Variants in MYO1E observed in about 807,000 individuals in gnomAD.
MYO1E encodes the protein unconventional myosin-Ie.
Under a neutral mutation model 151.1 loss-of-function variants are expected in MYO1E, and 68 were observed. That is an observed-to-expected ratio of 0.45 (90% CI 0.37 to 0.55). The LOEUF is 0.55. Among genes scored for constraint, MYO1E ranks in the 20% least tolerant of loss-of-function variants. The pLI is 0.00. For missense variants in MYO1E, 1,363 were observed against 1,389.3 expected, an observed-to-expected ratio of 0.98 and a Z score of 0.30; for synonymous variants, 601 against 501.7, an observed-to-expected ratio of 1.20 and a Z score of -2.64.
chr15:59,364,316 T>C (rs1402911887), intron 1 of MYO1E, among the ~76,000 whole-genome samples: 1 of 151,836 alleles, frequency 6.6e-6, no homozygotes, highest in Non-Finnish European at 1.5e-5. Flanking sequence ...GAATGTGGAG[T>C]ATGCATCCCA....
In MYO1E at chr15:59,227,412, G is replaced by A. The variant is rs747324520; in HGVS notation, c.642+47C>T. On this transcript the variant is annotated intron_variant, in intron 7 of 27. Coordinates refer to ENST00000288235, the MANE Select transcript of MYO1E (RefSeq NM_004998.4). ...CCTGAAGTCTGAGAAATATTTTAAT[G>A]TAGAGAAGGGACAGGAAGTGGGTAG... 27 of 1,609,588 alleles carry A rather than the reference G, an allele frequency of 1.7e-5. No individual in the cohort carries two copies. The Admixed American group carries it at 4.5e-4, about 27-fold the overall frequency.
At chr15:59,252,950 A>C (rs1272133868) in intron 4 of MYO1E, among the ~76,000 whole-genome samples, 1 of 152,214 alleles carries the variant, frequency 6.6e-6, no homozygotes, top group Non-Finnish European at 1.5e-5. Context: ...TGTGGATTCT[A>C]CGCAGGAAAT....
chr15:59,214,577 T>C (rs1445782087), intron 11 of MYO1E, 63 bp downstream of exon 11: 2 of 1,390,700 alleles, frequency 1.4e-6, no homozygotes, highest in Non-Finnish European at 2.0e-6. Flanking sequence ...CTAGAATTAT[T>C]TCTTGCAGGC....
intron 1 of MYO1E, among the ~76,000 whole-genome samples, chr15:59,324,325 A>T (rs2080648621): frequency 6.6e-6 from 1 of 152,248 alleles, no homozygotes; most frequent in Non-Finnish European, 1.5e-5. Flanking sequence ...GAGAATATCC[A>T]AAAGAAAATC....
chr15:59,226,748 A>G (rs905905402), intron 7 of MYO1E, among the ~76,000 whole-genome samples: 9 of 152,246 alleles, frequency 5.9e-5, no homozygotes, highest in South Asian at 2.1e-4. Flanking sequence ...CAGAGGTTGC[A>G]GTGAGCCAAG....
intron 21 of MYO1E, 97 bp downstream of exon 21, chr15:59,173,649 C>T: frequency 6.8e-7 from 1 of 1,480,290 alleles, no homozygotes; most frequent in Non-Finnish European, 9.4e-7. Flanking sequence ...CTACAACGAA[C>T]ACATTCTGAT....
chr15:59,252,688 C>T (rs1212576685), intron 4 of MYO1E, among the ~76,000 whole-genome samples: 3 of 150,796 alleles, frequency 2.0e-5, no homozygotes, highest in African/African-American at 7.3e-5. Flanking sequence ...GCACTCCAGC[C>T]TGGGCGACAG....
chr15:59,303,969 T>A (rs34125563), intron 1 of MYO1E, among the ~76,000 whole-genome samples: 15,264 of 150,908 alleles, frequency 0.1, 1,112 homozygotes, highest in East Asian at 0.39. Context: ...TCTATTTTCA[T>A]TTTCTTTTCT....
chr15:59,253,145 C>G (rs2080174695), intron 4 of MYO1E, among the ~76,000 whole-genome samples: 1 of 152,142 alleles, frequency 6.6e-6, no homozygotes, highest in Non-Finnish European at 1.5e-5. Flanking sequence ...TTGAGTAATA[C>G]TGAAAATAAA....
At chr15:59,148,245 G>A (rs1168808961) in intron 26 of MYO1E, among the ~76,000 whole-genome samples, 1 of 152,070 alleles carries the variant, frequency 6.6e-6, no homozygotes, top group Non-Finnish European at 1.5e-5. Flanking sequence ...AGTAAATATT[G>A]ATGAATAAAA....
intron 4 of MYO1E, among the ~76,000 whole-genome samples, chr15:59,246,743 C>T (rs2080132534): frequency 1.3e-5 from 2 of 152,194 alleles, no homozygotes; most frequent in Admixed American, 6.5e-5. Context: ...CTCTGGCCCC[C>T]AGACAAATCC....
intron 18 of MYO1E, among the ~76,000 whole-genome samples, chr15:59,183,035 C>T (rs572481170): frequency 6.6e-6 from 1 of 152,342 alleles, no homozygotes; most frequent in African/African-American, 2.4e-5. Flanking sequence ...GCTGATCTGA[C>T]AGGAGGTGGG....
intron 24 of MYO1E, among the ~76,000 whole-genome samples, chr15:59,160,391 ATTTCTT>A (rs2079531653): frequency 8.1e-6 from 1 of 122,874 alleles, no homozygotes; most frequent in African/African-American, 3.1e-5. Context: ...ATGGTGTTTT[ATTTCTT>A]TTTCATCTTC....
intron 1 of MYO1E, among the ~76,000 whole-genome samples, chr15:59,364,166 C>T (rs1433581205): frequency 1.3e-5 from 2 of 152,342 alleles, no homozygotes; most frequent in African/African-American, 2.4e-5. Context: ...TCTCCATCCA[C>T]TCCCGTTCTC....
chr15:59,193,567 T>C (rs1472757617), intron 17 of MYO1E, among the ~76,000 whole-genome samples: 1 of 152,170 alleles, frequency 6.6e-6, no homozygotes. Context: ...GAGAAACTGT[T>C]GACGGAACTG....
intron 1 of MYO1E, among the ~76,000 whole-genome samples, chr15:59,314,910 G>A (rs546582964): frequency 8.1e-4 from 123 of 152,266 alleles, no homozygotes; most frequent in African/African-American, 2.7e-3. Context: ...TACCACAGGC[G>A]GGGTGGCAGG....
intron 19 of MYO1E, among the ~76,000 whole-genome samples, chr15:59,177,415 G>A (rs1213428198): frequency 6.6e-6 from 1 of 152,114 alleles, no homozygotes; most frequent in Non-Finnish European, 1.5e-5. Context: ...GAAAACTAAT[G>A]GCAAGACTGG....
chr15:59,268,720 A>ATTTTTTTTTTTTTTGTTTTTTT (rs2080271783), intron 2 of MYO1E, among the ~76,000 whole-genome samples: 1 of 44,906 alleles, frequency 2.2e-5, no homozygotes, highest in Non-Finnish European at 4.9e-5. Flanking sequence ...TGACTTTGGT[A>ATTTTTTTTTTTTTTGTTTTTTT]TTTTTTTTTT....
chr15:59,255,232 A>T (rs2080187278), intron 4 of MYO1E, among the ~76,000 whole-genome samples: 1 of 152,034 alleles, frequency 6.6e-6, no homozygotes, highest in Non-Finnish European at 1.5e-5. Context: ...CTCCCCACTC[A>T]GCCTCCTCAG....
Sources: gnomAD v4.1 joint callset for allele counts (sites outside exome capture counted in the v4.1 genomes callset) on GRCh38, gnomAD v4.1.1 for gene constraint, MANE v1.5 for transcripts, NCBI Gene and HGNC (gene_info 2026-07-23, HGNC 2026-07-21) for gene names.